The following ODAD2 variants were observed in gnomAD, a reference collection of about 807,000 sequenced individuals.
ODAD2 encodes outer dynein arm docking complex subunit 2, also known as outer dynein arm-docking complex subunit 2.
ODAD2 carries 89 observed loss-of-function variants against 106.8 expected under a neutral mutation model. The ratio of observed to expected loss-of-function variants is 0.83; its 90% CI spans 0.70 to 0.99. The LOEUF (loss-of-function observed/expected upper bound fraction) is 0.99. Ranked by LOEUF, ODAD2 falls within the 50% of genes least tolerant of loss-of-function variation. The pLI is 0.00. For missense variants in ODAD2, 1,168 were observed against 1,238.5 expected (o/e 0.94, Z 0.85); for synonymous variants, 404 against 436.2 (o/e 0.93, Z 0.92).
chr10:27,934,436 T>C (rs1370492044), intron 16 of ODAD2, among the ~76,000 whole-genome samples: 1 of 149,500 alleles, frequency 6.7e-6, no homozygotes, highest in African/African-American at 2.4e-5. Context: ...TTTTAATATA[T>C]GAATATATAT....
At chr10:27,874,743 T>C (rs577138050) in intron 17 of ODAD2, among the ~76,000 whole-genome samples, 1 of 152,350 alleles carries the variant, frequency 6.6e-6, no homozygotes, top group East Asian at 1.9e-4. Flanking sequence ...CTGATGGGCT[T>C]CCCTTTGTGT....
chr10:27,819,037 T>A (rs1836380706), intron 19 of ODAD2, among the ~76,000 whole-genome samples: 1 of 152,206 alleles, frequency 6.6e-6, no homozygotes, highest in African/African-American at 2.4e-5. Flanking sequence ...ACTGCAAAGA[T>A]GAATTAAACA....
At chr10:27,939,808 A>C (rs113541190) in intron 14 of ODAD2, 89 bp downstream of exon 14, 14 of 615,532 alleles carry the variant, frequency 2.3e-5, no homozygotes, top group African/African-American at 1.1e-4. Context: ...CCTGAGTCCC[A>C]TTCTCACAGA....
chr10:27,851,079 CTGTT>C (rs1300338133), intron 19 of ODAD2, among the ~76,000 whole-genome samples: 1 of 152,068 alleles, frequency 6.6e-6, no homozygotes, highest in Admixed American at 6.6e-5. Context: ...TGAGAAGAAA[CTGTT>C]TGAGGGCAGG....
rs554467158 is a variant in ODAD2, at chr10:27,979,816, T to A, written c.936+1650A>T. 2.0e-4 allele frequency among the ~76,000 whole-genome samples: 30 copies of A among 152,194 alleles called. No individual in the cohort carries two copies. In the South Asian group the frequency reaches 5.6e-3, roughly 28 times the overall value. Reference sequence around the variant, plus strand: ...AAAGCAATTCATAAATTCAATGAAATCTCTATCAAAACCCAATGGCATTTT... The same window carrying A: ...AAAGCAATTCATAAATTCAATGAAAACTCTATCAAAACCCAATGGCATTTT... On this transcript the variant is annotated intron_variant, in intron 7 of 19. Coordinates refer to ENST00000305242, the MANE Select transcript of ODAD2 (RefSeq NM_018076.5).
intron 16 of ODAD2, among the ~76,000 whole-genome samples, chr10:27,910,083 A>G (rs1408769884): frequency 1.3e-5 from 2 of 151,808 alleles, no homozygotes; most frequent in African/African-American, 4.9e-5. Context: ...ACCATTTCAT[A>G]TCAGGATCGT....
rs538465162 is a variant in ODAD2 at position 27,840,970 on chromosome 10, G to A, written c.3021+19655C>T. Among the ~76,000 whole-genome samples the A allele has an allele frequency of 1.5e-4, 23 of 152,288 alleles. No homozygotes were observed. The South Asian group carries it at 2.9e-3, about 19-fold the overall frequency. On this transcript the variant is annotated intron_variant, in intron 19 of 19. Transcript: ENST00000305242. ...GCCTGCACCACAGGGGTACAGTGAA[G>A]ATTAAATGAAATAAGGAATAAAGCA...
chr10:27,942,772 A>G (rs1237534005), intron 12 of ODAD2, among the ~76,000 whole-genome samples: 1 of 152,174 alleles, frequency 6.6e-6, no homozygotes, highest in East Asian at 1.9e-4. Context: ...TACATCCACC[A>G]CCTGGAGTCT....
chr10:27,890,726 T>G (rs967486154), intron 17 of ODAD2, among the ~76,000 whole-genome samples: 7 of 151,876 alleles, frequency 4.6e-5, no homozygotes, highest in Non-Finnish European at 7.4e-5. Context: ...TCACTTTTGT[T>G]TGGACCCCTT....
In ODAD2 at chr10:27,943,436, A is replaced by G. The variant is rs963140794; in HGVS notation, c.1743+786T>C. On this transcript the variant is annotated intron_variant, in intron 12 of 19. Transcript: ENST00000305242. ...CTGGGATCATAGATAACAGTTTTTAATCCTGTCATGATTTTATACAATATT... is the reference window on the plus strand; with the variant it reads ...CTGGGATCATAGATAACAGTTTTTAGTCCTGTCATGATTTTATACAATATT... 8.5e-5 allele frequency among the ~76,000 whole-genome samples: 13 copies of G among 152,172 alleles called. No homozygotes were observed. The South Asian group carries it at 1.0e-3, about 12-fold the overall frequency.
chr10:27,850,542 G>A (rs1839183383), intron 19 of ODAD2, among the ~76,000 whole-genome samples: 1 of 151,132 alleles, frequency 6.6e-6, no homozygotes. Context: ...GGGTGACAGA[G>A]CGAGACTCTG....
rs148045262 is a variant in ODAD2, at chr10:27,899,966, A to T, written c.2610+7697T>A. ...CTCAGCACAGCACTCAAGCTCTGCT[A>T]AGGGACAGACTGCCTCCTCAAGTCG... On this transcript the variant is annotated intron_variant, in intron 17 of 19. Coordinates refer to ENST00000305242, the MANE Select transcript of ODAD2 (RefSeq NM_018076.5). 7.4e-3 allele frequency among the ~76,000 whole-genome samples: 1,126 copies of T among 152,276 alleles called. 25 individuals are homozygous for T. Among genetic ancestry groups the T allele is most frequent in the Admixed American group, 0.033 (499 of 15,306 alleles).
intron 7 of ODAD2, among the ~76,000 whole-genome samples, chr10:27,976,747 C>T (rs1419288434): frequency 6.6e-6 from 1 of 152,122 alleles, no homozygotes; most frequent in Middle Eastern, 3.2e-3. Context: ...GACATGCTGG[C>T]TCTAATATTC....
Position 27,840,225 on chromosome 10 carries a change from C to T in ODAD2, c.3021+20400G>A, listed in dbSNP as rs145084853. ...TTATTGATCTATTTGTACATATTTACGTACATCTTTAAAACAACTGCAATA... is the reference window on the plus strand; with the variant it reads ...TTATTGATCTATTTGTACATATTTATGTACATCTTTAAAACAACTGCAATA... On this transcript the variant is annotated intron_variant, in intron 19 of 19. Coordinates refer to ENST00000305242, the MANE Select transcript of ODAD2 (RefSeq NM_018076.5). Among the ~76,000 whole-genome samples the T allele has an allele frequency of 6.6e-4, 101 of 152,160 alleles. No homozygotes were observed. The Middle Eastern group carries it at 0.017, about 26-fold the overall frequency.
intron 14 of ODAD2, among the ~76,000 whole-genome samples, chr10:27,937,332 CTTTT>C (rs1334891888): frequency 1.4e-5 from 2 of 141,124 alleles, no homozygotes; most frequent in African/African-American, 2.8e-5. Context: ...TTCTTTCTTT[CTTTT>C]TTCTTTTTTT....
intron 16 of ODAD2, among the ~76,000 whole-genome samples, chr10:27,910,231 A>T (rs1257792827): frequency 6.6e-6 from 1 of 152,100 alleles, no homozygotes; most frequent in African/African-American, 2.4e-5. Context: ...GATGCCAGGG[A>T]TATTCATTCT....
intron 17 of ODAD2, among the ~76,000 whole-genome samples, chr10:27,868,963 T>A (rs900242017): frequency 6.6e-6 from 1 of 151,674 alleles, no homozygotes; most frequent in African/African-American, 2.4e-5. Context: ...ACAAAACAGA[T>A]GAAAACTGTA....
chr10:27,872,655 C>T lies in ODAD2; in HGVS notation c.2611-10033G>A, dbSNP rs186752814. Among the ~76,000 whole-genome samples the T allele has an allele frequency of 3.6e-3, 555 of 152,206 alleles. 2 individuals are homozygous for T. Among genetic ancestry groups the T allele is most frequent in the African/African-American group, 9.4e-3 (389 of 41,538 alleles). ...TTGGTTCTGTTTATATGCTGGATTACGTTTATTGATTTGCATATGTTGAAT... is the reference window on the plus strand; with the variant it reads ...TTGGTTCTGTTTATATGCTGGATTATGTTTATTGATTTGCATATGTTGAAT... On this transcript the variant is annotated intron_variant, in intron 17 of 19. Transcript: ENST00000305242.
At chr10:27,990,449 T>G (rs1194882407) in intron 2 of ODAD2, among the ~76,000 whole-genome samples, 7 of 152,276 alleles carry the variant, frequency 4.6e-5, no homozygotes, top group African/African-American at 1.7e-4. Context: ...GTGCTGGGAT[T>G]ACTGGCATGG....
Sources: allele counts gnomAD v4.1 joint callset (sites outside exome capture counted in the v4.1 genomes callset), GRCh38; gene constraint gnomAD v4.1.1; transcripts MANE v1.5; gene names NCBI Gene and HGNC (gene_info 2026-07-23, HGNC 2026-07-21).